GCN1: variants seen among roughly 807,000 people sequenced by gnomAD.
GCN1 encodes GCN1 activator of EIF2AK4, also known as stalled ribosome sensor GCN1.
GCN1 carries 90 observed loss-of-function variants against 288.4 expected under a neutral mutation model. That is an observed-to-expected ratio of 0.31 (90% CI 0.26 to 0.37). GCN1 has a LOEUF of 0.37. Ranked by LOEUF, GCN1 falls within the 10% of genes least tolerant of loss-of-function variation. The pLI is 1.00. For missense variants in GCN1, 2,586 were observed against 3,419.9 expected, an observed-to-expected ratio of 0.76 and a Z score of 6.08; for synonymous variants, 1,386 against 1,420.2, an observed-to-expected ratio of 0.98 and a Z score of 0.54.
chr12:120,182,970 C>G (rs999977647), intron 5 of GCN1, among the ~76,000 whole-genome samples: 2 of 150,630 alleles, frequency 1.3e-5, no homozygotes, highest in Admixed American at 1.3e-4. Context: ...TCATGACCTA[C>G]ACTAAAAAAC....
intron 2 of GCN1, among the ~76,000 whole-genome samples, chr12:120,185,996 A>G (rs1251682815): frequency 6.6e-6 from 1 of 152,036 alleles, no homozygotes. Flanking sequence ...AAACAGATAC[A>G]CTCTAACTCT....
At chr12:120,133,104 A>AGTC (rs1437710641) in intron 53 of GCN1, among the ~76,000 whole-genome samples, 1 of 152,224 alleles carries the variant, frequency 6.6e-6, no homozygotes, top group East Asian at 1.9e-4. Context: ...CTGGGGCTGG[A>AGTC]GTCCGACAGC....
intron 53 of GCN1, among the ~76,000 whole-genome samples, chr12:120,132,245 A>G (rs913270483): frequency 6.6e-6 from 1 of 152,220 alleles, no homozygotes; most frequent in East Asian, 1.9e-4. Flanking sequence ...CACTTCACTT[A>G]ATTATAGAAA....
Position 120,127,978 on chromosome 12 carries a change from T to A in GCN1, c.7891-4A>T. On this transcript the variant is annotated splice_region_variant and splice_polypyrimidine_tract_variant and intron_variant, in intron 57 of 57. Coordinates refer to ENST00000300648, the MANE Select transcript of GCN1 (RefSeq NM_006836.2). ...CATCCAGGATCTTGGAGAGGGACTG[T>A]GGGGAAGGATGAGCAGGAGGAAACA... 2 of 1,613,790 alleles carry A rather than the reference T, an allele frequency of 1.2e-6. No homozygotes were observed. Among genetic ancestry groups the A allele is most frequent in the Non-Finnish European group, 1.7e-6 (2 of 1,179,822 alleles).
chr12:120,157,058 G>A (rs576951291), intron 26 of GCN1, 66 bp from the exon 27 acceptor site: 21 of 1,025,798 alleles, frequency 2.0e-5, no homozygotes, highest in African/African-American at 1.4e-4. Flanking sequence ...GGCGGCCAAC[G>A]GCAGGGCATC....
At chr12:120,191,374 G>T (rs1395835018) in intron 1 of GCN1, among the ~76,000 whole-genome samples, 1 of 152,224 alleles carries the variant, frequency 6.6e-6, no homozygotes, top group Non-Finnish European at 1.5e-5. Context: ...CAGTGATGGG[G>T]GGCAGTTTGC....
At chr12:120,194,334 T>C (rs911950968) in intron 1 of GCN1, among the ~76,000 whole-genome samples, 3 of 152,250 alleles carry the variant, frequency 2.0e-5, no homozygotes, top group Admixed American at 6.5e-5. Flanking sequence ...TAAGGAAGAC[T>C]TGGCGTTGGC....
At chr12:120,184,473 CATTTATGG>C (rs150065189) in intron 3 of GCN1, among the ~76,000 whole-genome samples, 2,873 of 152,348 alleles carry the variant, frequency 0.019, 57 homozygotes, top group Non-Finnish European at 0.029. Flanking sequence ...GCAGCACCTA[CATTTATGG>C]AGCAGTTATA....
chr12:120,145,186 T>C (rs1432049453), intron 39 of GCN1, 76 bp downstream of exon 39: 3 of 1,554,080 alleles, frequency 1.9e-6, no homozygotes, highest in Non-Finnish European at 2.6e-6. Flanking sequence ...AAAGCAGCTT[T>C]GGGGAATTCT....
rs775718213 is a variant in GCN1, at chr12:120,173,833, C to A, written c.1193-7G>T. 4 of 1,610,296 alleles carry A rather than the reference C, an allele frequency of 2.5e-6. No homozygotes were observed. In the East Asian group the frequency reaches 8.9e-5, roughly 36 times the overall value. On this transcript the variant is annotated splice_region_variant and splice_polypyrimidine_tract_variant and intron_variant, in intron 13 of 57. Coordinates refer to ENST00000300648, the MANE Select transcript of GCN1 (RefSeq NM_006836.2). ...ACCAAGGTCCCTTCATGAACTAGGGCAAAAAGCAGAAGTCCAGTCAGTCCA... is the reference window on the plus strand; with the variant it reads ...ACCAAGGTCCCTTCATGAACTAGGGAAAAAAGCAGAAGTCCAGTCAGTCCA...
chr12:120,182,460 C>A (rs1353296732), intron 5 of GCN1, among the ~76,000 whole-genome samples: 1 of 152,196 alleles, frequency 6.6e-6, no homozygotes, highest in East Asian at 1.9e-4. Flanking sequence ...TTCCTAAGGC[C>A]GGTCATCACT....
At position 120,138,409 on chromosome 12, in the gene GCN1, C is replaced by T. The variant is rs751679365; in HGVS notation, c.6163G>A (p.Glu2055Lys). Residue 2055 changes from glutamate (E) to lysine (K), a missense_variant, in exon 47 of 58, where the codon GAG becomes AAG. Physicochemically the swap from Glu to Lys is moderately conservative, Grantham distance 56. Around this residue, in one of 8 missense-constraint regions of GCN1, gnomAD observed 437 missense variants for 570.5 expected, o/e 0.77. Coordinates refer to ENST00000300648, the MANE Select transcript of GCN1 (RefSeq NM_006836.2). The part of the protein sequence containing the change: ...LPFLLKQLDD[E>K]EVSEFALDGL... ...TCCAAGGCAAACTCTGACACCTCCT[C>T]GTCATCCTGCAGAGGGTGTTGGGGA... 8 of 1,599,100 alleles carry T rather than the reference C, an allele frequency of 5.0e-6. No individual in the cohort carries two copies. Among genetic ancestry groups the T allele is most frequent in the Middle Eastern group, 1.7e-4 (1 of 6,048 alleles).
chr12:120,169,508 T>C (rs1242445556), intron 15 of GCN1, among the ~76,000 whole-genome samples: 1 of 152,040 alleles, frequency 6.6e-6, no homozygotes, highest in Non-Finnish European at 1.5e-5. Context: ...TTGGTAATAC[T>C]GTTTTTTCTT....
chr12:120,148,855 T>A (rs948633622), intron 36 of GCN1, among the ~76,000 whole-genome samples: 5 of 152,282 alleles, frequency 3.3e-5, no homozygotes, highest in African/African-American at 9.6e-5. Context: ...GGTCTCACGC[T>A]GCTGCCCAGG....
At position 120,173,825 on chromosome 12, in the gene GCN1, A is replaced by G; in HGVS notation, c.1194T>C (p.Val398=). The G allele has an allele frequency of 1.2e-6, 2 of 1,613,070 alleles. No homozygotes were observed. Among genetic ancestry groups the G allele is most frequent in the Non-Finnish European group, 1.7e-6 (2 of 1,179,152 alleles). Residue 398 remains valine, a splice_region_variant and synonymous_variant, in exon 14 of 58, where the codon GTT becomes GTC. Transcript: ENST00000300648. The part of the protein sequence containing the change: ...ELFIPFLQQE[V]HEGTLVHAVS... The stretch of plus-strand genomic sequence containing the variant: ...CAGCGTGTACCAAGGTCCCTTCATG[A>G]ACTAGGGCAAAAAGCAGAAGTCCAG...
chr12:120,129,474 G>A lies in GCN1; in HGVS notation c.7692C>T (p.Ser2564=), dbSNP rs775399153. ...TCTTCTCAGCCACCAGCCTGATGTC[G>A]CTGGATGGGTTCTGCAGACACTGTA... is the stretch of plus-strand genomic sequence containing the variant. The part of the protein sequence containing the change: ...LFVKCLQNPS[S]DIRLVAEKMI... The change falls in exon 57 of 58, where the codon AGC becomes AGT. Residue 2564 remains serine, a synonymous_variant. Transcript: ENST00000300648. 4.3e-5 allele frequency: 70 copies of A among 1,613,066 alleles called. No homozygotes were observed. Among genetic ancestry groups the A allele is most frequent in the African/African-American group, 9.3e-5 (7 of 74,890 alleles).
intron 7 of GCN1, 31 bp from the exon 8 acceptor site, chr12:120,177,783 G>A (rs1878527596): frequency 1.3e-6 from 2 of 1,509,192 alleles, no homozygotes; most frequent in Non-Finnish European, 1.8e-6. Flanking sequence ...GTTAGATCCT[G>A]ACATTCTCAA....
chr12:120,164,653 T>C lies in GCN1; in HGVS notation c.1681A>G (p.Lys561Glu). Residue 561 changes from lysine to glutamate, a missense_variant, in exon 17 of 58, where the codon AAA (lysine) becomes GAA (glutamate). Physicochemically the swap from Lys to Glu is moderately conservative, Grantham distance 56. Transcript: ENST00000300648. The part of the protein sequence containing the change: ...LDHPHRLTGN[K>E]VQQYHRALVA... ...TAAGCCAGCCTCACGTACTGAACTT[T>C]GTTGCCAGTGAGTCTATGCGGGTGG... is the stretch of plus-strand genomic sequence containing the variant. The C allele has an allele frequency of 1.2e-6, 2 of 1,613,522 alleles. No individual in the cohort carries two copies.
In GCN1 at chr12:120,132,027, C is replaced by A; in HGVS notation, c.7318-5G>T. ...TGAGGAGATGCGAGTGTTGTCCTGA[C>A]AGGGAAGAGAAGGGAGTGAGGGGGT... On this transcript the variant is annotated splice_polypyrimidine_tract_variant and splice_region_variant and intron_variant, in intron 53 of 57. Transcript: ENST00000300648. The A allele has an allele frequency of 6.3e-7, 1 of 1,575,676 alleles. No homozygotes were observed. The highest frequency in any genetic ancestry group is 8.7e-7 in the Non-Finnish European group (1 of 1,155,914).
Sources: gnomAD v4.1 joint callset for allele counts (sites outside exome capture counted in the v4.1 genomes callset) on GRCh38, gnomAD v4.1.1 for gene constraint, gnomAD v4.1.1 regional missense constraint, MANE v1.5 for transcripts, NCBI Gene and HGNC (gene_info 2026-07-23, HGNC 2026-07-21) for gene names.